BTBD10: variants seen among roughly 807,000 people sequenced by gnomAD.
BTBD10 encodes BTB/POZ domain-containing protein 10.
In BTBD10, 21 loss-of-function variants were observed where a neutral mutation model predicts 53.2. That is an observed-to-expected ratio of 0.39 (90% CI 0.28 to 0.57). BTBD10 has a LOEUF of 0.57. Ranked by LOEUF, BTBD10 falls within the 20% of genes least tolerant of loss-of-function variation. The pLI is 0.53. For missense variants in BTBD10, 360 were observed against 594.7 expected (o/e 0.61, Z 4.10); for synonymous variants, 149 against 192.7 (o/e 0.77, Z 1.88).
chr11:13,409,644 T>C (rs1221153891), intron 6 of BTBD10, among the ~76,000 whole-genome samples: 1 of 152,212 alleles, frequency 6.6e-6, no homozygotes, highest in East Asian at 1.9e-4. Context: ...TATGGTCAGC[T>C]TTCCCTCACT....
At chr11:13,433,148 A>ATC (rs1277958659) in intron 2 of BTBD10, among the ~76,000 whole-genome samples, 2 of 152,174 alleles carry the variant, frequency 1.3e-5, no homozygotes, top group African/African-American at 4.8e-5. Flanking sequence ...AGAAAACAGA[A>ATC]TCTCTCTCTC....
intron 1 of BTBD10, 60 bp from the exon 2 acceptor site, chr11:13,445,241 G>T: frequency 1.6e-6 from 1 of 610,968 alleles, no homozygotes; most frequent in Non-Finnish European, 2.9e-6. Context: ...AATAGTCATA[G>T]AATTGTACAG....
rs1949320454 is a variant in BTBD10, at chr11:13,388,695, A to AATTT, written c.*135_*136insAAAT. ...CCATTCAGCTACCTTTGGTCTTTAA[A>AATTT]AAAGCCTACACTGCAATATCCTAAA... On this transcript the variant is annotated 3_prime_UTR_variant, in exon 9 of 9. Coordinates refer to ENST00000278174, the MANE Select transcript of BTBD10 (RefSeq NM_032320.7). 1.0e-6 allele frequency: 1 copy of AATTT among 979,428 alleles called. No individual in the cohort carries two copies. 60.7% of individuals were successfully genotyped at this position (979,428 alleles called of 1,614,324 possible).
intron 2 of BTBD10, among the ~76,000 whole-genome samples, chr11:13,444,328 A>G (rs1442463363): frequency 6.6e-6 from 1 of 152,186 alleles, no homozygotes; most frequent in East Asian, 1.9e-4. Flanking sequence ...TAATATTCAT[A>G]GAAGATATTG....
At chr11:13,419,375 G>A in intron 4 of BTBD10, 85 bp downstream of exon 4, 2 of 1,498,752 alleles carry the variant, frequency 1.3e-6, no homozygotes, top group Non-Finnish European at 9.0e-7. Context: ...TTTCAACAGA[G>A]AATTACTGTA....
chr11:13,422,384 A>G (rs914565346), intron 2 of BTBD10, among the ~76,000 whole-genome samples: 1 of 152,308 alleles, frequency 6.6e-6, no homozygotes. Context: ...ACAGTGAATC[A>G]CACCTGTAAT....
chr11:13,444,743 G>T (rs1241171838), intron 2 of BTBD10, among the ~76,000 whole-genome samples: 16 of 152,172 alleles, frequency 1.1e-4, no homozygotes, highest in Non-Finnish European at 1.5e-5. Context: ...CCTGTCATGT[G>T]AGAGTCCCCA....
At chr11:13,414,831 C>G (rs963472577) in intron 5 of BTBD10, among the ~76,000 whole-genome samples, 8 of 133,260 alleles carry the variant, frequency 6.0e-5, no homozygotes, top group African/African-American at 2.2e-4. Flanking sequence ...CGGAGCGAGC[C>G]TCCATCTCAA....
intron 1 of BTBD10, among the ~76,000 whole-genome samples, chr11:13,445,571 G>C (rs560001669): frequency 6.6e-6 from 1 of 152,246 alleles, no homozygotes; most frequent in South Asian, 2.1e-4. Flanking sequence ...ATTACTAAAA[G>C]TTTAAGATGC....
chr11:13,438,005 T>C (rs11022828), intron 2 of BTBD10, among the ~76,000 whole-genome samples: 23,982 of 152,120 alleles, frequency 0.16, 2,080 homozygotes, highest in Admixed American at 0.24. Context: ...GTCCTTCCTA[T>C]CAATGTTTGT....
At chr11:13,400,636 G>A (rs1163804628) in intron 8 of BTBD10, among the ~76,000 whole-genome samples, 5 of 152,296 alleles carry the variant, frequency 3.3e-5, no homozygotes, top group East Asian at 1.9e-4. Flanking sequence ...TTTCTGCGTC[G>A]CTCACGCTGG....
At chr11:13,447,991 C>A (rs1235677854) in intron 1 of BTBD10, among the ~76,000 whole-genome samples, 1 of 152,092 alleles carries the variant, frequency 6.6e-6, no homozygotes, top group African/African-American at 2.4e-5. Flanking sequence ...GGTTGAAAGG[C>A]CACTGGCACA....
chr11:13,411,956 C>T (rs1174406570), intron 6 of BTBD10, among the ~76,000 whole-genome samples: 4 of 151,960 alleles, frequency 2.6e-5, no homozygotes, highest in East Asian at 3.9e-4. Context: ...CTCAGCCTCC[C>T]GAGTAGCTGG....
At chr11:13,407,152 G>A (rs945790173) in intron 6 of BTBD10, among the ~76,000 whole-genome samples, 2 of 152,048 alleles carry the variant, frequency 1.3e-5, no homozygotes, top group African/African-American at 2.4e-5. Context: ...CATTATCCCT[G>A]TTTTTTTCCT....
intron 1 of BTBD10, among the ~76,000 whole-genome samples, chr11:13,456,990 A>C (rs552708812): frequency 6.6e-6 from 1 of 152,094 alleles, no homozygotes; most frequent in East Asian, 1.9e-4. Context: ...GTGAAACCCT[A>C]TCTCTACTAA....
At position 13,417,092 on chromosome 11, in the gene BTBD10, C is replaced by T. The variant is rs911778613; in HGVS notation, c.687+66G>A. 1.7e-5 allele frequency: 19 copies of T among 1,111,636 alleles called. No homozygotes were observed. The East Asian group carries it at 2.7e-4, about 16-fold the overall frequency. 68.9% of individuals were successfully genotyped at this position (1,111,636 alleles called of 1,614,324 possible). A position where few individuals can be genotyped will look rare whatever the true frequency, so the allele number is the denominator to read the frequency against. On this transcript the variant is annotated intron_variant, in intron 5 of 8. Coordinates refer to ENST00000278174, the MANE Select transcript of BTBD10 (RefSeq NM_032320.7). ...AGAGAGATATTCAAATAGAATTCTG[C>T]GTCTAATCCAAGTACCTCCAAGAAG...
chr11:13,404,728 A>G (rs961594257), intron 7 of BTBD10: 1 of 390,174 alleles, frequency 2.6e-6, no homozygotes, highest in African/African-American at 2.2e-5. Flanking sequence ...ATTTAAGTAC[A>G]TCATGCAAAA....
chr11:13,428,952 CT>C (rs1950397230), intron 2 of BTBD10, among the ~76,000 whole-genome samples: 2 of 152,144 alleles, frequency 1.3e-5, no homozygotes, highest in East Asian at 1.9e-4. Context: ...TTAAAATGAA[CT>C]TTATTTCTAT....
rs1188320726 is a variant in BTBD10, at chr11:13,445,198, T to C, written c.-57-17A>G. 14 of 995,264 alleles carry C rather than the reference T, an allele frequency of 1.4e-5. No homozygotes were observed. The highest frequency in any genetic ancestry group is 2.0e-5 in the Non-Finnish European group (13 of 634,314). The allele number at this position is 995,264 out of a possible 1,614,324, so 61.7% of individuals were successfully genotyped here. On this transcript the variant is annotated splice_polypyrimidine_tract_variant and intron_variant, in intron 1 of 8. Coordinates refer to ENST00000278174, the MANE Select transcript of BTBD10 (RefSeq NM_032320.7). ...ACCCATAACCTACATAAAAGAGCAG[T>C]GTTGACCTTTAAATCTATTCCACGC...
Sources: allele counts gnomAD v4.1 joint callset (sites outside exome capture counted in the v4.1 genomes callset), GRCh38; gene constraint gnomAD v4.1.1; transcripts MANE v1.5; gene names NCBI Gene and HGNC (gene_info 2026-07-23, HGNC 2026-07-21).